The following KAZN variants were observed in gnomAD, a reference collection of about 807,000 sequenced individuals.
KAZN encodes kazrin.
A neutral mutation model predicts 87.4 loss-of-function variants in KAZN; 40 were observed. The ratio of observed to expected loss-of-function variants is 0.46; its 90% CI spans 0.36 to 0.60. The LOEUF is 0.60. Among genes scored for constraint, KAZN ranks in the 20% least tolerant of loss-of-function variants. KAZN has a pLI of 0.00. For synonymous variants in KAZN, 466 were observed against 458.3 expected (o/e 1.02, Z -0.22); for missense variants, 898 against 1,073.9 (o/e 0.84, Z 2.29).
chr1:13,955,536 A>G (rs1450975323), intron 1 of KAZN, among the ~76,000 whole-genome samples: 1 of 152,114 alleles, frequency 6.6e-6, no homozygotes, highest in African/African-American at 2.4e-5. Context: ...CAGGAATTCA[A>G]CATTGGGGAT....
At chr1:13,913,525 G>A (rs953213440) in intron 1 of KAZN, among the ~76,000 whole-genome samples, 1 of 152,150 alleles carries the variant, frequency 6.6e-6, no homozygotes. Context: ...TAAGGTCAGG[G>A]ACTGATTGTG....
rs1388659468 is a variant in KAZN, at chr1:14,858,203, C to CTTTTTTTT, written c.227-102476_227-102475insTTTTTTTT. Among the ~76,000 whole-genome samples, 226 of 95,006 alleles carry CTTTTTTTT rather than the reference C, an allele frequency of 2.4e-3. 7 individuals are homozygous for CTTTTTTTT. The highest frequency in any genetic ancestry group is 0.011 in the African/African-American group (200 of 18,846). 62.3% of individuals were successfully genotyped at this position (95,006 alleles called of 152,430 possible). A position where few individuals can be genotyped will look rare whatever the true frequency, so the allele number is the denominator to read the frequency against. ...ACATTTCTTTCTTTTTTTCTTTTTT[C>CTTTTTTTT]TTTTTCTTTTCTTTTTTTTTTTTTT... On this transcript the variant is annotated intron_variant, in intron 1 of 14. Transcript: ENST00000376030.
In KAZN at chr1:14,021,953, C is replaced by CTTTTT. The variant is rs141959214; in HGVS notation, c.91+128212_91+128216dup. ...AGGAAATGGGATGTGAATGAACATG[C>CTTTTT]TTTTTTTTTTTTTTTTTTTGTAACG... On this transcript the variant is annotated intron_variant, in intron 1 of 16. Transcript: ENST00000636203. 4.4e-3 allele frequency among the ~76,000 whole-genome samples: 507 copies of CTTTTT among 114,264 alleles called. 24 individuals carry two copies. Among genetic ancestry groups the CTTTTT allele is most frequent in the African/African-American group, 6.8e-3 (206 of 30,518 alleles). The allele number at this position is 114,264 out of a possible 152,430, so 75.0% of individuals were successfully genotyped here. A position where few individuals can be genotyped will look rare whatever the true frequency, so the allele number is the denominator to read the frequency against.
At chr1:15,065,148 C>T (rs898664047) in intron 7 of KAZN, among the ~76,000 whole-genome samples, 7 of 148,122 alleles carry the variant, frequency 4.7e-5, no homozygotes, top group African/African-American at 1.8e-4. Context: ...CCTGCCTTAG[C>T]CTCTCAAGTA....
chr1:14,985,370 A>C (rs941566482), intron 2 of KAZN, among the ~76,000 whole-genome samples: 1 of 151,802 alleles, frequency 6.6e-6, no homozygotes, highest in Non-Finnish European at 1.5e-5. Flanking sequence ...TCTCTATAAA[A>C]CATTTTTAAA....
intron 1 of KAZN, among the ~76,000 whole-genome samples, chr1:14,834,963 C>A (rs1223966548): frequency 6.6e-6 from 1 of 152,142 alleles, no homozygotes; most frequent in African/African-American, 2.4e-5. Context: ...TTTAGCTAGA[C>A]CACCCGCTAA....
At chr1:14,315,655 T>C (rs1655603961) in intron 2 of KAZN, among the ~76,000 whole-genome samples, 2 of 152,212 alleles carry the variant, frequency 1.3e-5, no homozygotes, top group South Asian at 2.1e-4. Flanking sequence ...TGATGTAGTA[T>C]GTCCTCTTTT....
At chr1:14,386,718 A>C (rs10429932) in intron 2 of KAZN, among the ~76,000 whole-genome samples, 97,056 of 151,714 alleles carry the variant, frequency 0.64, 31,607 homozygotes, top group East Asian at 0.82. Flanking sequence ...TGAGGGTAAC[A>C]TGACCTTTCT....
intron 1 of KAZN, among the ~76,000 whole-genome samples, chr1:14,779,963 A>G (rs1645285157): frequency 6.6e-6 from 1 of 152,232 alleles, no homozygotes; most frequent in Non-Finnish European, 1.5e-5. Flanking sequence ...ATTTTGCAAT[A>G]ACAGGTAACA....
Position 15,034,793 on chromosome 1 carries a change from C to A in KAZN, c.463C>A (p.Leu155Met). 1 of 1,614,160 alleles carries A rather than the reference C, an allele frequency of 6.2e-7. No homozygotes were observed. Among genetic ancestry groups the A allele is most frequent in the Non-Finnish European group, 8.5e-7 (1 of 1,180,026 alleles). Residue 155 changes from leucine to methionine, a missense_variant, in exon 3 of 15, where the codon CTG becomes ATG. Coordinates refer to ENST00000376030, the MANE Select transcript of KAZN (RefSeq NM_201628.3). Reference sequence around the variant, plus strand: ...GCGCTTAAAGGGCGAGAAGACAGACCTGGTGAGCCAGATGCAGCAGCTGTA... The same window carrying A: ...GCGCTTAAAGGGCGAGAAGACAGACATGGTGAGCCAGATGCAGCAGCTGTA... Reference protein sequence around the residue: ...RKRLKGEKTDLVSQMQQLYAT... With the variant: ...RKRLKGEKTDMVSQMQQLYAT...
intron 1 of KAZN, among the ~76,000 whole-genome samples, chr1:14,847,643 G>A (rs1648944072): frequency 6.6e-6 from 1 of 152,134 alleles, no homozygotes; most frequent in African/African-American, 2.4e-5. Context: ...ATGATGCCAG[G>A]GACATTATCT....
At chr1:13,943,801 T>C (rs1641031376) in intron 1 of KAZN, among the ~76,000 whole-genome samples, 1 of 152,176 alleles carries the variant, frequency 6.6e-6, no homozygotes, top group Non-Finnish European at 1.5e-5. Context: ...ACAGCATTAG[T>C]CCTTAGGGAA....
chr1:14,488,298 G>C (rs552889388), intron 2 of KAZN, among the ~76,000 whole-genome samples: 1 of 152,284 alleles, frequency 6.6e-6, no homozygotes, highest in Non-Finnish European at 1.5e-5. Context: ...GTTGGGGAGA[G>C]AGGAAGAAAG....
At chr1:14,159,627 C>T (rs1457984714) in intron 1 of KAZN, among the ~76,000 whole-genome samples, 1 of 152,198 alleles carries the variant, frequency 6.6e-6, no homozygotes, top group Non-Finnish European at 1.5e-5. Flanking sequence ...ACCTAAGGTG[C>T]AAGACCAAGT....
intron 2 of KAZN, among the ~76,000 whole-genome samples, chr1:14,486,738 G>T (rs896157942): frequency 6.6e-6 from 1 of 152,174 alleles, no homozygotes; most frequent in African/African-American, 2.4e-5. Context: ...CTTCAGGCTT[G>T]GGAGGAGAAT....
At chr1:14,251,978 G>A (rs1445741856) in intron 2 of KAZN, among the ~76,000 whole-genome samples, 1 of 151,926 alleles carries the variant, frequency 6.6e-6, no homozygotes, top group Non-Finnish European at 1.5e-5. Context: ...AGCTTGTGAA[G>A]GTGAATTTCT....
chr1:14,689,742 C>T (rs189002946), intron 1 of KAZN, among the ~76,000 whole-genome samples: 27 of 152,322 alleles, frequency 1.8e-4, no homozygotes, highest in Admixed American at 1.2e-3. Flanking sequence ...GAGAAGCCCA[C>T]CCCTCAGGGG....
At chr1:14,994,965 C>T (rs1214355621) in intron 2 of KAZN, among the ~76,000 whole-genome samples, 2 of 152,254 alleles carry the variant, frequency 1.3e-5, no homozygotes, top group African/African-American at 2.4e-5. Flanking sequence ...CCGTGGGCCA[C>T]CAAGGCCACC....
chr1:14,674,207 T>G (rs1048249427), intron 1 of KAZN, among the ~76,000 whole-genome samples: 2 of 152,238 alleles, frequency 1.3e-5, no homozygotes, highest in African/African-American at 4.8e-5. Context: ...CCAGCAGATC[T>G]CTTTTTTTGT....
Sources: gnomAD v4.1 joint callset for allele counts (sites outside exome capture counted in the v4.1 genomes callset) on GRCh38, gnomAD v4.1.1 for gene constraint, MANE v1.5 for transcripts, NCBI Gene and HGNC (gene_info 2026-07-23, HGNC 2026-07-21) for gene names.